Variants in TYW1B observed in about 807,000 individuals in gnomAD.
TYW1B encodes S-adenosyl-L-methionine-dependent tRNA 4-demethylwyosine synthase TYW1B.
Under a neutral mutation model 86.9 loss-of-function variants are expected in TYW1B, and 73 were observed. That is an observed-to-expected ratio of 0.84 (90% CI 0.70 to 1.02). The LOEUF (loss-of-function observed/expected upper bound fraction) is 1.02. Ranked by LOEUF, TYW1B falls within the 50% of genes least tolerant of loss-of-function variation. The pLI, the probability that TYW1B is intolerant of heterozygous loss-of-function variation, is 0.00. For missense variants in TYW1B, 637 were observed against 827.4 expected, an observed-to-expected ratio of 0.77 and a Z score of 2.82; for synonymous variants, 248 against 292.8, an observed-to-expected ratio of 0.85 and a Z score of 1.56.
chr7:72,672,473 AACACAC>A (rs57744814), intron 11 of TYW1B, among the ~76,000 whole-genome samples: 1,445 of 140,874 alleles, frequency 0.01, 29 homozygotes, highest in African/African-American at 0.035. Context: ...TACACACACA[AACACAC>A]ACACACACAC....
intron 13 of TYW1B, among the ~76,000 whole-genome samples, chr7:72,615,934 T>C (rs1812060944): frequency 6.6e-6 from 1 of 151,626 alleles, no homozygotes; most frequent in Non-Finnish European, 1.5e-5. Context: ...GCACAAAAAA[T>C]ACAAATGAGA....
Position 72,694,728 on chromosome 7 carries a change from A to G in TYW1B, c.1465T>C (p.Trp489Arg), listed in dbSNP as rs782654345. The change falls in exon 11 of 14, where the codon TGG becomes CGG. Residue 489 changes from tryptophan to arginine, a missense_variant. Physicochemically the swap from Trp to Arg is moderately radical, Grantham distance 101. Transcript: ENST00000620995. ...TTTAAACTGTCAAGGAATTGCTGCCAGAAATCCTTGAAGAGTGGGCGGTCG... is the reference window on the plus strand; with the variant it reads ...TTTAAACTGTCAAGGAATTGCTGCCGGAAATCCTTGAAGAGTGGGCGGTCG... The part of the protein sequence containing the change: ...KIDRPLFKDF[W>R]QQFLDSLKAL... The G allele has an allele frequency of 1.4e-5, 22 of 1,613,822 alleles. No individual in the cohort carries two copies. Among genetic ancestry groups the G allele is most frequent in the Non-Finnish European group, 1.9e-5 (22 of 1,179,926 alleles).
chr7:72,711,997 C>T (rs1554454866), intron 10 of TYW1B, among the ~76,000 whole-genome samples: 1 of 152,082 alleles, frequency 6.6e-6, no homozygotes, highest in African/African-American at 2.4e-5. Context: ...AACACCAATA[C>T]ATAACAGATG....
intron 11 of TYW1B, among the ~76,000 whole-genome samples, chr7:72,636,814 TAAAATA>T (rs1812677580): frequency 6.6e-6 from 1 of 152,226 alleles, no homozygotes; most frequent in Non-Finnish European, 1.5e-5. Context: ...ACCTTTTCTT[TAAAATA>T]GTTGCTTCTA....
intron 13 of TYW1B, among the ~76,000 whole-genome samples, chr7:72,595,670 G>A (rs4371888): frequency 0.15 from 23,317 of 151,946 alleles, 2,420 homozygotes; most frequent in East Asian, 0.56. Context: ...GCAACAGGGC[G>A]AGACTCCATC....
intron 10 of TYW1B, among the ~76,000 whole-genome samples, chr7:72,711,421 A>G (rs555488179): frequency 6.6e-6 from 1 of 151,408 alleles, no homozygotes; most frequent in East Asian, 1.9e-4. Flanking sequence ...CCAGGTTCAG[A>G]ATAAACCTGT....
At chr7:72,585,361 G>C (rs535234556) in intron 13 of TYW1B, among the ~76,000 whole-genome samples, 2 of 152,330 alleles carry the variant, frequency 1.3e-5, no homozygotes, top group South Asian at 2.1e-4. Context: ...TGAAAAAAGA[G>C]TATCCCACAA....
chr7:72,605,307 A>G (rs1811767003), intron 13 of TYW1B, among the ~76,000 whole-genome samples: 1 of 151,790 alleles, frequency 6.6e-6, no homozygotes, highest in Admixed American at 6.6e-5. Flanking sequence ...TAAATATTCA[A>G]CTGATGTCTG....
rs782247210 is a variant in TYW1B at position 72,807,261 on chromosome 7, G to A, written c.528C>T (p.His176=). 68 of 1,614,038 alleles carry A rather than the reference G, an allele frequency of 4.2e-5. No individual in the cohort carries two copies. Among genetic ancestry groups the A allele is most frequent in the South Asian group, 3.2e-4 (29 of 91,084 alleles). ...EGDCDVVKSK[H]GSIEANFRAW... is the part of the protein sequence containing the mutation. ...CTCTGAAGTTGGCCTCAATGCTGCC[G>A]TGCTTGCTTTTAACCACGTCGCAGT... The change falls in exon 5 of 14, where the codon CAC becomes CAT. Residue 176 remains histidine, a synonymous_variant. Coordinates refer to ENST00000620995, the MANE Select transcript of TYW1B (RefSeq NM_001145440.3).
At chr7:72,701,366 C>T (rs1362749496) in intron 10 of TYW1B, among the ~76,000 whole-genome samples, 1 of 151,844 alleles carries the variant, frequency 6.6e-6, no homozygotes, top group Admixed American at 6.6e-5. Flanking sequence ...TGAGCTCAAG[C>T]AACCCTCCTG....
intron 11 of TYW1B, among the ~76,000 whole-genome samples, chr7:72,655,726 C>G (rs1813185687): frequency 6.6e-6 from 1 of 152,208 alleles, no homozygotes; most frequent in Admixed American, 6.5e-5. Context: ...CAACCCCTGG[C>G]AGGGCCGCCA....
chr7:72,597,968 A>C (rs1811575522), intron 13 of TYW1B, among the ~76,000 whole-genome samples: 1 of 152,186 alleles, frequency 6.6e-6, no homozygotes, highest in Non-Finnish European at 1.5e-5. Context: ...TACAGAAAGG[A>C]AAAAGAACAG....
intron 6 of TYW1B, among the ~76,000 whole-genome samples, chr7:72,787,017 G>A (rs1477754064): frequency 5.3e-5 from 8 of 151,636 alleles, no homozygotes; most frequent in African/African-American, 1.9e-4. Context: ...ACACATTCAC[G>A]TTGACCCAGT....
chr7:72,706,431 CAAAAAAAAAAA>C (rs59124514), intron 10 of TYW1B, among the ~76,000 whole-genome samples: 1 of 64,490 alleles, frequency 1.6e-5, no homozygotes, highest in African/African-American at 6.6e-5. Flanking sequence ...CCTCCATCTC[CAAAAAAAAAAA>C]AAAAAAAAAA....
In TYW1B at chr7:72,704,801, C is replaced by T. The variant is rs113816373; in HGVS notation, c.1370+8820G>A. ...TGGGCACTGAAAAGTTATCCTCCAACGTCAGAAAGACACCAGGAGATCCAG... is the reference window on the plus strand; with the variant it reads ...TGGGCACTGAAAAGTTATCCTCCAATGTCAGAAAGACACCAGGAGATCCAG... On this transcript the variant is annotated intron_variant, in intron 10 of 13. Coordinates refer to ENST00000620995, the MANE Select transcript of TYW1B (RefSeq NM_001145440.3). Among the ~76,000 whole-genome samples, 600 of 152,122 alleles carry T rather than the reference C, an allele frequency of 3.9e-3. 2 individuals carry two copies. Among genetic ancestry groups the T allele is most frequent in the African/African-American group, 0.014 (561 of 41,494 alleles).
intron 2 of TYW1B, among the ~76,000 whole-genome samples, chr7:72,825,353 A>C (rs1318112764): frequency 6.6e-6 from 1 of 152,132 alleles, no homozygotes; most frequent in Non-Finnish European, 1.5e-5. Flanking sequence ...TTTTAGCACT[A>C]TTAGAAATCA....
At chr7:72,708,525 C>A (rs1285479076) in intron 10 of TYW1B, among the ~76,000 whole-genome samples, 1 of 152,120 alleles carries the variant, frequency 6.6e-6, no homozygotes, top group Non-Finnish European at 1.5e-5. Context: ...AACTTGCTGA[C>A]TTGCTGTATG....
At chr7:72,660,167 G>A (rs1263769106) in intron 11 of TYW1B, among the ~76,000 whole-genome samples, 3 of 152,002 alleles carry the variant, frequency 2.0e-5, no homozygotes, top group Non-Finnish European at 4.4e-5. Flanking sequence ...CCAGGAGTTC[G>A]AGACCTACCT....
intron 11 of TYW1B, among the ~76,000 whole-genome samples, chr7:72,652,711 TTA>T (rs1554443003): frequency 6.9e-6 from 1 of 144,666 alleles, no homozygotes; most frequent in Non-Finnish European, 1.5e-5. Flanking sequence ...AAAATCAGAC[TTA>T]TATATGTTAT....
Sources: allele counts gnomAD v4.1 joint callset (sites outside exome capture counted in the v4.1 genomes callset), GRCh38; gene constraint gnomAD v4.1.1; transcripts MANE v1.5; gene names NCBI Gene and HGNC (gene_info 2026-07-23, HGNC 2026-07-21).